Variants in KCNS3 observed in about 807,000 individuals in gnomAD.
The protein encoded by KCNS3 is potassium voltage-gated channel modifier subfamily S member 3.
In KCNS3, 13 loss-of-function variants were observed where a neutral mutation model predicts 31.0. The ratio of observed to expected loss-of-function variants is 0.42; its 90% CI spans 0.27 to 0.67. The LOEUF (loss-of-function observed/expected upper bound fraction) is 0.67, where lower values mean the gene tolerates loss of function less well. Ranked by LOEUF, KCNS3 falls within the 30% of genes least tolerant of loss-of-function variation. The pLI is 0.25. For synonymous variants in KCNS3, 238 were observed against 241.5 expected, an observed-to-expected ratio of 0.99 and a Z score of 0.13; for missense variants, 545 against 622.4, an observed-to-expected ratio of 0.88 and a Z score of 1.32.
rs767830614 is a variant in KCNS3, at chr2:17,910,632, C to CT, written c.-251-7035dup. On this transcript the variant is annotated intron_variant, in intron 1 of 2. Transcript: ENST00000304101. ...TTGGCACACCCAGTGGAAGTGTCTACTTTTTTTTTTTTTAAATGTTCTAGG... is the reference window on the plus strand; with the variant it reads ...TTGGCACACCCAGTGGAAGTGTCTACTTTTTTTTTTTTTTAAATGTTCTAGG... 9.4e-3 allele frequency among the ~76,000 whole-genome samples: 1,352 copies of CT among 144,104 alleles called. 17 individuals are homozygous for CT. Among genetic ancestry groups the CT allele is most frequent in the African/African-American group, 0.029 (1,148 of 39,734 alleles). The allele number at this position is 144,104 out of a possible 152,430, so 94.5% of individuals were successfully genotyped here.
Position 17,884,265 on chromosome 2 carries a change from AAAAATATATATATATATAT to A in KCNS3, c.-252+5461_-252+5479del, listed in dbSNP as rs1306359958. Among the ~76,000 whole-genome samples the A allele has an allele frequency of 1.6e-4, 7 of 44,430 alleles. 1 individual carries two copies. The highest frequency in any genetic ancestry group is 6.6e-4 in the African/African-American group (7 of 10,654). The allele number at this position is 44,430 out of a possible 152,430, so 29.1% of individuals were successfully genotyped here. ...GAACTTAAAGTATAATTAAAAAAAA[AAAAATATATATATATATAT>A]ATATATATATATATATATATTTAAA... is the stretch of plus-strand genomic sequence containing the variant. On this transcript the variant is annotated intron_variant, in intron 1 of 2. Transcript: ENST00000304101.
At chr2:17,894,849 C>A (rs1025815896) in intron 1 of KCNS3, among the ~76,000 whole-genome samples, 2 of 152,144 alleles carry the variant, frequency 1.3e-5, no homozygotes, top group Non-Finnish European at 2.9e-5. Flanking sequence ...TTCCTCAGCT[C>A]AATTCTACCT....
In KCNS3 at chr2:17,932,073, C is replaced by G. The variant is rs752856209; in HGVS notation, c.1065C>G (p.Thr355=). The G allele has an allele frequency of 3.1e-6, 5 of 1,614,102 alleles. No homozygotes were observed. The South Asian group carries it at 5.5e-5, about 18-fold the overall frequency. The change falls in exon 3 of 3, where the codon ACC becomes ACG. Residue 355 remains threonine, a synonymous_variant. Coordinates refer to ENST00000304101, the MANE Select transcript of KCNS3 (RefSeq NM_002252.5). The stretch of plus-strand genomic sequence containing the variant: ...AAGATGACCACACATCCAGCCTCAC[C>G]AGCATCCCCATCTGCTGGTGGTGGG... The part of the protein sequence containing the change: ...VEKDDHTSSL[T]SIPICWWWAT...
chr2:17,878,577 G>T (rs1487177363), upstream of KCNS3: 2 of 148,184 alleles, frequency 1.3e-5, no homozygotes, highest in Admixed American at 1.3e-4. Context: ...TGGGGCGGCG[G>T]CCGAGCGGCG....
chr2:17,890,237 A>G (rs1431317428), intron 1 of KCNS3, among the ~76,000 whole-genome samples: 3 of 151,898 alleles, frequency 2.0e-5, no homozygotes, highest in Non-Finnish European at 2.9e-5. Context: ...GCCCTGAATG[A>G]TCTTTTGTAT....
At chr2:17,912,059 T>G (rs578109572) in intron 1 of KCNS3, among the ~76,000 whole-genome samples, 1 of 152,328 alleles carries the variant, frequency 6.6e-6, no homozygotes, top group African/African-American at 2.4e-5. Flanking sequence ...CCCAGTCTAT[T>G]TAATCATTCC....
At chr2:17,890,150 G>A (rs2125234656) in intron 1 of KCNS3, among the ~76,000 whole-genome samples, 1 of 152,188 alleles carries the variant, frequency 6.6e-6, no homozygotes, top group Admixed American at 6.5e-5. Context: ...ATTTAAGCTA[G>A]GAATGTTGTA....
Position 17,893,712 on chromosome 2 carries a change from G to C in KCNS3, c.-252+14906G>C, listed in dbSNP as rs535374103. On this transcript the variant is annotated intron_variant, in intron 1 of 2. Transcript: ENST00000304101. ...CTTCTCCACTGGGGGTGTGTGTTTG[G>C]GGGAGGAGGGTCTACCTTTCCCACT... Among the ~76,000 whole-genome samples the C allele has an allele frequency of 2.6e-5, 4 of 152,224 alleles. No homozygotes were observed. The South Asian group carries it at 8.3e-4, about 32-fold the overall frequency.
At chr2:17,928,256 T>C (rs2125254383) in intron 2 of KCNS3, among the ~76,000 whole-genome samples, 1 of 152,274 alleles carries the variant, frequency 6.6e-6, no homozygotes, top group Middle Eastern at 3.4e-3. Flanking sequence ...CTCTCATTTT[T>C]TAATTTTCCT....
intron 1 of KCNS3, among the ~76,000 whole-genome samples, chr2:17,904,514 T>C (rs1662268242): frequency 6.6e-6 from 1 of 152,134 alleles, no homozygotes; most frequent in South Asian, 2.1e-4. Flanking sequence ...TTTTGGTGTT[T>C]TAGACATGAA....
At chr2:17,906,080 C>T (rs547425890) in intron 1 of KCNS3, among the ~76,000 whole-genome samples, 3 of 152,118 alleles carry the variant, frequency 2.0e-5, no homozygotes, top group African/African-American at 4.8e-5. Flanking sequence ...GCTGTGAATC[C>T]GTCTGGTCCT....
chr2:17,899,268 T>C (rs1390323705), intron 1 of KCNS3, among the ~76,000 whole-genome samples: 1 of 151,926 alleles, frequency 6.6e-6, no homozygotes, highest in African/African-American at 2.4e-5. Context: ...AAAACCACAA[T>C]AGTAAATATT....
At chr2:17,880,396 C>T (rs1674618196) in intron 1 of KCNS3, among the ~76,000 whole-genome samples, 1 of 152,232 alleles carries the variant, frequency 6.6e-6, no homozygotes, top group Admixed American at 6.5e-5. Context: ...AATTTCTGCA[C>T]CCAGTCTAGT....
At chr2:17,903,901 A>G (rs902871275) in intron 1 of KCNS3, among the ~76,000 whole-genome samples, 1 of 152,360 alleles carries the variant, frequency 6.6e-6, no homozygotes, top group African/African-American at 2.4e-5. Context: ...TATTGTGAAT[A>G]GTGCTGCAAT....
intron 1 of KCNS3, among the ~76,000 whole-genome samples, chr2:17,910,831 C>T (rs1472143609): frequency 6.6e-6 from 1 of 152,130 alleles, no homozygotes; most frequent in Non-Finnish European, 1.5e-5. Context: ...TCCTAATTCA[C>T]AAAGATGTGG....
intron 1 of KCNS3, among the ~76,000 whole-genome samples, chr2:17,914,588 A>G (rs1266299891): frequency 6.6e-6 from 1 of 152,108 alleles, no homozygotes; most frequent in Non-Finnish European, 1.5e-5. Flanking sequence ...CTTTTCATTA[A>G]TTTACTCTTT....
At chr2:17,878,145 T>A (rs1029105975), upstream of KCNS3, 4 of 152,242 alleles carry the variant, frequency 2.6e-5, no homozygotes, top group Admixed American at 2.6e-4. Flanking sequence ...TGGAGCTATA[T>A]GTACTCTCCT....
At chr2:17,910,195 G>A (rs1259969245) in intron 1 of KCNS3, among the ~76,000 whole-genome samples, 2 of 152,124 alleles carry the variant, frequency 1.3e-5, no homozygotes, top group East Asian at 3.8e-4. Context: ...TCTAGCAGTA[G>A]GTCTATAACT....
At chr2:17,888,635 A>ATATCTATATC (rs1558446959) in intron 1 of KCNS3, among the ~76,000 whole-genome samples, 36 of 28,518 alleles carry the variant, frequency 1.3e-3, no homozygotes, top group East Asian at 6.9e-3. Flanking sequence ...AAATGTATAT[A>ATATCTATATC]TATATATATA....
Sources: allele counts gnomAD v4.1 joint callset (sites outside exome capture counted in the v4.1 genomes callset), GRCh38; gene constraint gnomAD v4.1.1; transcripts MANE v1.5; gene names NCBI Gene and HGNC (gene_info 2026-07-23, HGNC 2026-07-21).